Variants in KIAA0825 observed in about 807,000 individuals in gnomAD.
KIAA0825 encodes uncharacterized protein KIAA0825.
KIAA0825 carries 119 observed loss-of-function variants against 147.6 expected under a neutral mutation model. That is an observed-to-expected ratio of 0.81 (90% CI 0.69 to 0.94). The LOEUF (loss-of-function observed/expected upper bound fraction) is 0.94. KIAA0825 is among the 40% of genes least tolerant of loss of function. KIAA0825 has a pLI of 0.00. For synonymous variants in KIAA0825, 470 were observed against 518.1 expected, an observed-to-expected ratio of 0.91 and a Z score of 1.26; for missense variants, 1,381 against 1,472.7, an observed-to-expected ratio of 0.94 and a Z score of 1.02.
At chr5:94,333,081 T>C (rs1439758612) in intron 20 of KIAA0825, among the ~76,000 whole-genome samples, 2 of 152,254 alleles carry the variant, frequency 1.3e-5, no homozygotes, top group Non-Finnish European at 2.9e-5. Context: ...TTGTTTCTTT[T>C]TATCTTGTTA....
At chr5:94,306,765 A>C (rs910335785) in intron 20 of KIAA0825, among the ~76,000 whole-genome samples, 10 of 151,866 alleles carry the variant, frequency 6.6e-5, no homozygotes, top group African/African-American at 2.4e-4. Flanking sequence ...TCAATCCTCA[A>C]GTGTGGATGT....
rs537225292 is a variant in KIAA0825, at chr5:94,580,647, C to T, written c.-2+1786G>A. Among the ~76,000 whole-genome samples, 7 of 35,542 alleles carry T rather than the reference C, an allele frequency of 2.0e-4. 2 individuals carry two copies. The East Asian group carries it at 3.0e-3, about 15-fold the overall frequency. 23.3% of individuals were successfully genotyped at this position (35,542 alleles called of 152,430 possible). A position where few individuals can be genotyped will look rare whatever the true frequency, so the allele number is the denominator to read the frequency against. On this transcript the variant is annotated intron_variant, in intron 2 of 20. Coordinates refer to ENST00000682413, the MANE Select transcript of KIAA0825 (RefSeq NM_001145678.3). ...ATCCCAGCACTTTGGGAGGCCGAGG[C>T]GGGCGGATCACGAGGTCAGGAGATC...
At chr5:94,311,481 G>C (rs938061476) in intron 20 of KIAA0825, among the ~76,000 whole-genome samples, 1 of 151,448 alleles carries the variant, frequency 6.6e-6, no homozygotes, top group African/African-American at 2.4e-5. Flanking sequence ...CACGCAAATA[G>C]CAAAACTACC....
chr5:94,431,074 C>T (rs1054242307), intron 14 of KIAA0825, among the ~76,000 whole-genome samples: 3 of 152,022 alleles, frequency 2.0e-5, no homozygotes, highest in African/African-American at 7.2e-5. Context: ...CAGGCAGAGA[C>T]CATTGCATAG....
chr5:94,357,183 A>G (rs547548905), intron 20 of KIAA0825, among the ~76,000 whole-genome samples: 15 of 152,232 alleles, frequency 9.9e-5, no homozygotes, highest in Non-Finnish European at 1.6e-4. Flanking sequence ...GTTAAAACGC[A>G]TCTACAGACA....
intron 2 of KIAA0825, among the ~76,000 whole-genome samples, chr5:94,563,197 A>AC (rs1561318946): frequency 1.1e-4 from 12 of 107,974 alleles, no homozygotes; most frequent in Non-Finnish European, 1.9e-4. Context: ...AAAAAAAACA[A>AC]AAAAAAAAAA....
chr5:94,257,885 C>G (rs943082593), intron 20 of KIAA0825, among the ~76,000 whole-genome samples: 29 of 152,074 alleles, frequency 1.9e-4, no homozygotes, highest in Non-Finnish European at 3.8e-4. Context: ...CATTCCCAAT[C>G]ATGAAATGAA....
chr5:94,384,101 A>T (rs1748818518), intron 20 of KIAA0825, among the ~76,000 whole-genome samples: 1 of 152,180 alleles, frequency 6.6e-6, no homozygotes, highest in Admixed American at 6.5e-5. Context: ...AAAATCCACT[A>T]ATCTCATCTC....
At chr5:94,611,881 G>C (rs1311101529) in intron 1 of KIAA0825, 2 of 152,216 alleles carry the variant, frequency 1.3e-5, no homozygotes, top group Non-Finnish European at 2.9e-5. Flanking sequence ...AGGAATTCAA[G>C]GTTGCAGTGA....
chr5:94,385,760 G>A (rs1010908038), intron 19 of KIAA0825, among the ~76,000 whole-genome samples: 1 of 152,116 alleles, frequency 6.6e-6, no homozygotes, highest in African/African-American at 2.4e-5. Flanking sequence ...TTAAATTTGG[G>A]AATGTGTCTA....
chr5:94,495,828 G>A (rs1764286782), intron 5 of KIAA0825, among the ~76,000 whole-genome samples: 1 of 152,062 alleles, frequency 6.6e-6, no homozygotes, highest in African/African-American at 2.4e-5. Context: ...TTGTTTCATG[G>A]GAATTCTTTA....
intron 14 of KIAA0825, among the ~76,000 whole-genome samples, chr5:94,420,231 A>G (rs1178349572): frequency 6.6e-6 from 1 of 152,148 alleles, no homozygotes; most frequent in Non-Finnish European, 1.5e-5. Context: ...CCTGCAAATC[A>G]TGCAACGGAA....
At chr5:94,196,602 G>A (rs779132780) in intron 20 of KIAA0825, among the ~76,000 whole-genome samples, 5 of 151,766 alleles carry the variant, frequency 3.3e-5, no homozygotes, top group African/African-American at 9.7e-5. Flanking sequence ...GTAGTTTTTC[G>A]ACCCTTATCC....
intron 2 of KIAA0825, among the ~76,000 whole-genome samples, chr5:94,546,178 T>C (rs1296700056): frequency 1.3e-5 from 2 of 152,158 alleles, no homozygotes; most frequent in African/African-American, 4.8e-5. Context: ...TCTTGTGGTT[T>C]GAGGGCCAGC....
chr5:94,515,562 C>G (rs1346330257), intron 5 of KIAA0825, among the ~76,000 whole-genome samples: 46 of 152,076 alleles, frequency 3.0e-4, no homozygotes, highest in Admixed American at 3.0e-3. Flanking sequence ...GAGGCCAAGG[C>G]GGGTGGATCA....
At chr5:94,545,541 C>T (rs1218190222) in intron 2 of KIAA0825, among the ~76,000 whole-genome samples, 1 of 152,096 alleles carries the variant, frequency 6.6e-6, no homozygotes, top group Non-Finnish European at 1.5e-5. Flanking sequence ...GTACAGGGTA[C>T]CAGGCAGACT....
intron 20 of KIAA0825, among the ~76,000 whole-genome samples, chr5:94,263,390 A>C (rs534851174): frequency 6.6e-6 from 1 of 152,128 alleles, no homozygotes; most frequent in Non-Finnish European, 1.5e-5. Flanking sequence ...TTGACCTCTT[A>C]CTTCATTCTT....
chr5:94,541,038 C>T (rs574785773), intron 2 of KIAA0825, among the ~76,000 whole-genome samples: 5 of 152,288 alleles, frequency 3.3e-5, no homozygotes, highest in African/African-American at 4.8e-5. Context: ...CCAAGTACGT[C>T]ATAGATTGTC....
intron 20 of KIAA0825, among the ~76,000 whole-genome samples, chr5:94,243,943 A>G (rs1775479687): frequency 6.6e-6 from 1 of 152,154 alleles, no homozygotes; most frequent in Admixed American, 6.5e-5. Context: ...TTGGCTCTCC[A>G]GAGATATTTC....
Sources: allele counts gnomAD v4.1 joint callset (sites outside exome capture counted in the v4.1 genomes callset), GRCh38; gene constraint gnomAD v4.1.1; transcripts MANE v1.5; gene names NCBI Gene and HGNC (gene_info 2026-07-23, HGNC 2026-07-21).